Variants in NTM observed in about 807,000 individuals in gnomAD.
The protein encoded by NTM is neurotrimin.
NTM carries 13 observed loss-of-function variants against 42.1 expected under a neutral mutation model. The observed-to-expected ratio is 0.31, with a 90% CI of 0.20 to 0.49. The LOEUF (loss-of-function observed/expected upper bound fraction) is 0.49. Among genes scored for constraint, NTM ranks in the 20% least tolerant of loss-of-function variants. The pLI, the probability that NTM is intolerant of heterozygous loss-of-function variation, is 0.99. For missense variants in NTM, 373 were observed against 452.8 expected, an observed-to-expected ratio of 0.82 and a Z score of 1.60; for synonymous variants, 187 against 179.2, an observed-to-expected ratio of 1.04 and a Z score of -0.35.
chr11:131,714,535 G>C (rs2077492698), intron 1 of NTM, among the ~76,000 whole-genome samples: 1 of 152,080 alleles, frequency 6.6e-6, no homozygotes, highest in Non-Finnish European at 1.5e-5. Flanking sequence ...CCTGGCGCTG[G>C]CTGAAACCAA....
rs554344254 is a variant in NTM, at chr11:132,293,246, A to G, written c.527-14443A>G. ...ATTATTTAGATAATATGAGCCTTAA[A>G]GATGTAAGGTTTGAAAAAGATGGAG... On this transcript the variant is annotated intron_variant, in intron 4 of 8. Transcript: ENST00000683400. Among the ~76,000 whole-genome samples, 3 of 152,328 alleles carry G rather than the reference A, an allele frequency of 2.0e-5. No homozygotes were observed. The South Asian group carries it at 6.2e-4, about 32-fold the overall frequency.
intron 1 of NTM, among the ~76,000 whole-genome samples, chr11:131,589,584 C>A (rs939006553): frequency 8.5e-5 from 13 of 152,184 alleles, no homozygotes; most frequent in Non-Finnish European, 7.3e-5. Context: ...TATTTAACCC[C>A]AAATCATTAT....
At chr11:131,650,978 G>T (rs182748063) in intron 1 of NTM, among the ~76,000 whole-genome samples, 1 of 152,218 alleles carries the variant, frequency 6.6e-6, no homozygotes, top group East Asian at 1.9e-4. Flanking sequence ...AAGATTTCTA[G>T]TTTTTTGCTC....
At chr11:131,789,245 T>C (rs1430198279) in intron 1 of NTM, among the ~76,000 whole-genome samples, 1 of 151,680 alleles carries the variant, frequency 6.6e-6, no homozygotes. Context: ...TTCCTAAAGT[T>C]ATATAGTTAT....
chr11:131,562,205 G>A (rs993559573), intron 1 of NTM, among the ~76,000 whole-genome samples: 1 of 152,034 alleles, frequency 6.6e-6, no homozygotes, highest in Non-Finnish European at 1.5e-5. Context: ...TGATGGATGA[G>A]GGAAAAGTCT....
At chr11:132,033,540 C>T (rs1031718211) in intron 2 of NTM, among the ~76,000 whole-genome samples, 4 of 152,170 alleles carry the variant, frequency 2.6e-5, no homozygotes, top group African/African-American at 9.6e-5. Flanking sequence ...ACATTGAGAT[C>T]TGACTAGCAG....
At chr11:131,443,274 A>G (rs569941352) in intron 1 of NTM, among the ~76,000 whole-genome samples, 4 of 152,218 alleles carry the variant, frequency 2.6e-5, no homozygotes, top group Non-Finnish European at 5.9e-5. Context: ...AAATTCAACA[A>G]TGAAGACTGG....
intron 1 of NTM, among the ~76,000 whole-genome samples, chr11:131,824,421 G>A (rs918282451): frequency 1.6e-4 from 24 of 152,114 alleles, no homozygotes; most frequent in Admixed American, 5.9e-4. Flanking sequence ...CTCTCAAGGG[G>A]GTCACAGTGT....
chr11:132,091,953 A>G (rs1374414466), intron 2 of NTM, among the ~76,000 whole-genome samples: 2 of 152,232 alleles, frequency 1.3e-5, no homozygotes. Flanking sequence ...TAAGTATACC[A>G]TCATACGAGA....
intron 1 of NTM, among the ~76,000 whole-genome samples, chr11:131,401,836 A>ATATATATATATATATATATATGTG (rs1945252071): frequency 1.1e-5 from 1 of 87,136 alleles, no homozygotes; most frequent in African/African-American, 4.1e-5. Context: ...ATATATATAT[A>ATATATATATATATATATATATGTG]TATATATATA....
chr11:132,150,342 C>A (rs1591834995), intron 3 of NTM, among the ~76,000 whole-genome samples: 1 of 152,196 alleles, frequency 6.6e-6, no homozygotes, highest in East Asian at 1.9e-4. Flanking sequence ...CAACTTTCCA[C>A]ATAAGATCTA....
At chr11:131,978,781 T>C (rs974679426) in intron 2 of NTM, among the ~76,000 whole-genome samples, 1 of 152,242 alleles carries the variant, frequency 6.6e-6, no homozygotes, top group Non-Finnish European at 1.5e-5. Context: ...AGAATTACAT[T>C]AGCACATTGA....
At chr11:131,689,856 A>C (rs1263637272) in intron 1 of NTM, among the ~76,000 whole-genome samples, 2 of 152,210 alleles carry the variant, frequency 1.3e-5, no homozygotes, top group Non-Finnish European at 2.9e-5. Flanking sequence ...AGAGAGACTC[A>C]GCAATACCAG....
chr11:132,009,965 G>A (rs537960291), intron 2 of NTM, among the ~76,000 whole-genome samples: 14 of 152,118 alleles, frequency 9.2e-5, no homozygotes, highest in African/African-American at 1.9e-4. Context: ...TCAAATGGCC[G>A]TGGAAGGTCA....
Position 131,638,994 on chromosome 11 carries a change from G to A in NTM, c.82+268106G>A, listed in dbSNP as rs59866057. On this transcript the variant is annotated intron_variant, in intron 1 of 8. Coordinates refer to ENST00000683400, the MANE Select transcript of NTM (RefSeq NM_001352005.2). The stretch of plus-strand genomic sequence containing the variant: ...ATTCAATCTTCACAGCACCTTCATC[G>A]GCCAGCTGCTACTATTATACTCATT... 2.3e-4 allele frequency among the ~76,000 whole-genome samples: 35 copies of A among 152,124 alleles called. No individual in the cohort carries two copies. In the East Asian group the frequency reaches 6.4e-3, roughly 28 times the overall value.
intron 1 of NTM, among the ~76,000 whole-genome samples, chr11:131,571,476 TC>T (rs1418602894): frequency 1.3e-5 from 2 of 152,162 alleles, no homozygotes; most frequent in South Asian, 2.1e-4. Context: ...TGGCGCCAGC[TC>T]CCAGGCAAGC....
intron 2 of NTM, among the ~76,000 whole-genome samples, chr11:131,948,085 G>A (rs112841288): frequency 0.02 from 3,085 of 152,226 alleles, 106 homozygotes; most frequent in African/African-American, 0.071. Flanking sequence ...CAATTGGCCG[G>A]GTGCAGTGGC....
At chr11:131,627,735 G>A (rs1565347728) in intron 1 of NTM, among the ~76,000 whole-genome samples, 1 of 152,054 alleles carries the variant, frequency 6.6e-6, no homozygotes, top group South Asian at 2.1e-4. Context: ...GGATGCTGAG[G>A]TAGGAGGATT....
intron 4 of NTM, among the ~76,000 whole-genome samples, chr11:132,232,359 A>G (rs2087783091): frequency 6.6e-6 from 1 of 152,162 alleles, no homozygotes; most frequent in African/African-American, 2.4e-5. Context: ...GATCTCCCGC[A>G]TTCATGAAAG....
Sources: allele counts gnomAD v4.1 joint callset (sites outside exome capture counted in the v4.1 genomes callset), GRCh38; gene constraint gnomAD v4.1.1; transcripts MANE v1.5; gene names NCBI Gene and HGNC (gene_info 2026-07-23, HGNC 2026-07-21).